GPA33: variants seen among roughly 807,000 people sequenced by gnomAD.
GPA33 encodes the protein cell surface A33 antigen.
A neutral mutation model predicts 35.6 loss-of-function variants in GPA33; 27 were observed. The observed-to-expected ratio is 0.76, with a 90% confidence interval of 0.56 to 1.04. The LOEUF is 1.04. Ranked by LOEUF, GPA33 falls within the 50% of genes least tolerant of loss-of-function variation. GPA33 has a pLI of 0.00. For missense variants in GPA33, 428 were observed against 411.9 expected (o/e 1.04, Z -0.34); for synonymous variants, 176 against 164.0 (o/e 1.07, Z -0.56).
chr1:167,071,120 G>A (rs1381097568), intron 2 of GPA33, among the ~76,000 whole-genome samples: 1 of 152,022 alleles, frequency 6.6e-6, no homozygotes, highest in African/African-American at 2.4e-5. Flanking sequence ...GAAGCCACCC[G>A]GGATAAATAA....
intron 1 of GPA33, among the ~76,000 whole-genome samples, chr1:167,089,046 C>T (rs1667107978): frequency 6.6e-6 from 1 of 152,218 alleles, no homozygotes; most frequent in African/African-American, 2.4e-5. Flanking sequence ...ACCAGTCCAT[C>T]TTGGTGGATG....
At chr1:167,077,919 C>T (rs1666855708) in intron 1 of GPA33, among the ~76,000 whole-genome samples, 1 of 152,186 alleles carries the variant, frequency 6.6e-6, no homozygotes, top group South Asian at 2.1e-4. Flanking sequence ...AATTGAGGTT[C>T]CAAAAGGTTA....
intron 1 of GPA33, among the ~76,000 whole-genome samples, chr1:167,081,038 G>A (rs1666934644): frequency 6.6e-6 from 1 of 152,322 alleles, no homozygotes; most frequent in East Asian, 1.9e-4. Flanking sequence ...CTGGAAATGG[G>A]AGAGGTCATT....
intron 1 of GPA33, among the ~76,000 whole-genome samples, chr1:167,074,288 AT>A (rs1454619195): frequency 6.6e-6 from 1 of 151,934 alleles, no homozygotes; most frequent in African/African-American, 2.4e-5. Context: ...AGGCCAACTC[AT>A]AAAAGGCCAT....
chr1:167,069,241 A>G, intron 2 of GPA33, 103 bp from the exon 3 acceptor site: 2 of 701,414 alleles, frequency 2.9e-6, no homozygotes, highest in Non-Finnish European at 5.0e-6. Context: ...AGGGCCCAGA[A>G]GCACAGACCT....
At chr1:167,085,937 A>C (rs943073370) in intron 1 of GPA33, among the ~76,000 whole-genome samples, 1 of 152,196 alleles carries the variant, frequency 6.6e-6, no homozygotes, top group Non-Finnish European at 1.5e-5. Flanking sequence ...CTGACTCAGA[A>C]GGTATGGGGG....
In GPA33 at chr1:167,054,102, G is replaced by T. The variant is rs940647184; in HGVS notation, c.*232C>A. The T allele has an allele frequency of 5.0e-5, 28 of 563,040 alleles. No homozygotes were observed. The East Asian group carries it at 8.1e-4, about 16-fold the overall frequency. The allele number at this position is 563,040 out of a possible 1,614,324, so 34.9% of individuals were successfully genotyped here. On this transcript the variant is annotated 3_prime_UTR_variant, in exon 7 of 7. Coordinates refer to ENST00000367868, the MANE Select transcript of GPA33 (RefSeq NM_005814.3). ...TGAGTGAGGGCCAGGCCCGCACCAG[G>T]TGTCACAGCCAGGAGGGGTTACTTC...
chr1:167,084,827 A>G (rs1004391309), intron 1 of GPA33, among the ~76,000 whole-genome samples: 5 of 152,226 alleles, frequency 3.3e-5, no homozygotes, highest in Admixed American at 1.3e-4. Flanking sequence ...AGGAAAATAA[A>G]TGATTATTAT....
At chr1:167,067,371 G>C (rs969499035) in intron 3 of GPA33, among the ~76,000 whole-genome samples, 6 of 151,928 alleles carry the variant, frequency 3.9e-5, no homozygotes, top group Non-Finnish European at 7.4e-5. Context: ...TAAAGTGCTG[G>C]GATTACAGGC....
At chr1:167,080,761 C>T (rs1380391567) in intron 1 of GPA33, among the ~76,000 whole-genome samples, 1 of 152,214 alleles carries the variant, frequency 6.6e-6, no homozygotes, top group Non-Finnish European at 1.5e-5. Context: ...GTTGTCATGT[C>T]TCTCTCCTCT....
At chr1:167,063,516 CT>C in intron 4 of GPA33, 65 bp downstream of exon 4, 4 of 1,458,500 alleles carry the variant, frequency 2.7e-6, no homozygotes, top group Non-Finnish European at 3.7e-6. Context: ...GTTGCAGCCC[CT>C]AGCCAATCAG....
chr1:167,088,629 C>T (rs1235610181), intron 1 of GPA33, among the ~76,000 whole-genome samples: 5 of 152,206 alleles, frequency 3.3e-5, no homozygotes, highest in African/African-American at 1.2e-4. Context: ...TAGGAAGAAG[C>T]AAAATGTCCT....
intron 4 of GPA33, among the ~76,000 whole-genome samples, chr1:167,056,745 G>GATGA (rs1558002006): frequency 1.9e-4 from 1 of 5,384 alleles, no homozygotes; most frequent in Non-Finnish European, 4.1e-4. Context: ...TGGTGTGTGT[G>GATGA]GTGTGTGTAT....
chr1:167,055,341 A>C (rs1181947438), intron 5 of GPA33, among the ~76,000 whole-genome samples: 4 of 152,162 alleles, frequency 2.6e-5, no homozygotes, highest in African/African-American at 7.2e-5. Flanking sequence ...TGGCTCTGCA[A>C]AAGTCCTCAG....
intron 1 of GPA33, among the ~76,000 whole-genome samples, chr1:167,076,588 T>C (rs1481910183): frequency 5.3e-5 from 8 of 152,140 alleles, no homozygotes; most frequent in African/African-American, 1.9e-4. Flanking sequence ...TAAGCAGTAT[T>C]TCATAAGGTG....
At chr1:167,068,852 G>A in intron 3 of GPA33, 70 bp downstream of exon 3, 1 of 1,183,516 alleles carries the variant, frequency 8.4e-7, no homozygotes, top group Non-Finnish European at 1.2e-6. Flanking sequence ...TCAACACCTG[G>A]GCTCTTCTCC....
intron 4 of GPA33, among the ~76,000 whole-genome samples, chr1:167,062,654 T>TC (rs1483902316): frequency 7.0e-6 from 1 of 142,852 alleles, no homozygotes; most frequent in East Asian, 2.0e-4. Flanking sequence ...TTCTTTTTTT[T>TC]TTTTTTTTTT....
At chr1:167,056,545 A>C (rs1231858676) in intron 4 of GPA33, among the ~76,000 whole-genome samples, 3 of 15,630 alleles carry the variant, frequency 1.9e-4, no homozygotes, top group Admixed American at 1.2e-3. Context: ...GCTCTGTGAG[A>C]GTAGTGTGTG....
chr1:167,072,448 A>G (rs888759413), intron 2 of GPA33, among the ~76,000 whole-genome samples: 1 of 152,206 alleles, frequency 6.6e-6, no homozygotes, highest in African/African-American at 2.4e-5. Context: ...TGGTGAAAAT[A>G]AAGATTGGGA....
Sources: gnomAD v4.1 joint callset for allele counts (sites outside exome capture counted in the v4.1 genomes callset) on GRCh38, gnomAD v4.1.1 for gene constraint, MANE v1.5 for transcripts, NCBI Gene and HGNC (gene_info 2026-07-23, HGNC 2026-07-21) for gene names.